The following FBXO11 variants were observed in gnomAD, a reference collection of about 807,000 sequenced individuals.
FBXO11 encodes the protein F-box protein 11.
Under a neutral mutation model 117.0 loss-of-function variants are expected in FBXO11, and 13 were observed. That is an observed-to-expected ratio of 0.11 (90% CI 0.07 to 0.18). The LOEUF (loss-of-function observed/expected upper bound fraction) is 0.18, where lower values mean the gene tolerates loss of function less well. FBXO11 is among the 10% of genes least tolerant of loss of function. The pLI is 1.00. For synonymous variants in FBXO11, 490 were observed against 380.5 expected (o/e 1.29, Z -3.35); for missense variants, 767 against 1,164.4 (o/e 0.66, Z 4.97).
At chr2:47,878,452 G>T (rs577717842) in intron 1 of FBXO11, among the ~76,000 whole-genome samples, 2 of 151,914 alleles carry the variant, frequency 1.3e-5, no homozygotes, top group African/African-American at 4.8e-5. Flanking sequence ...CCACCTCTGG[G>T]TTCAAGCAAT....
Position 47,820,396 on chromosome 2 carries a change from T to G in FBXO11, c.1763A>C (p.Lys588Thr). ...TNSCPIVRHN[K>T]IHDGQHGGIY... ...CCCACCATGCTGGCCATCATGAATT[T>G]TGTTATGCCGAACAATTGGACAACT... The change falls in exon 14 of 23, where the codon AAA (lysine) becomes ACA (threonine). Residue 588 changes from lysine (K) to threonine (T), a missense_variant. Coordinates refer to ENST00000403359, the MANE Select transcript of FBXO11 (RefSeq NM_001190274.2). 6.2e-7 allele frequency: 1 copy of G among 1,613,930 alleles called. No individual in the cohort carries two copies. The highest frequency in any genetic ancestry group is 1.1e-5 in the South Asian group (1 of 91,082).
intron 1 of FBXO11, among the ~76,000 whole-genome samples, chr2:47,860,940 G>C (rs1172870436): frequency 2.0e-5 from 3 of 149,494 alleles, no homozygotes; most frequent in African/African-American, 7.4e-5. Context: ...TCCACCTCCC[G>C]GGTTCAAGTG....
chr2:47,882,028 G>A (rs900347225), intron 1 of FBXO11, among the ~76,000 whole-genome samples: 2 of 152,164 alleles, frequency 1.3e-5, no homozygotes, highest in Non-Finnish European at 2.9e-5. Context: ...GATTACAGAT[G>A]TGAGTCACCA....
At chr2:47,836,145 A>AT (rs913013350) in intron 4 of FBXO11, 144 bp from the exon 5 acceptor site, 2,144 of 509,326 alleles carry the variant, frequency 4.2e-3, no homozygotes, top group Middle Eastern at 8.1e-3. Context: ...AAATCACAGG[A>AT]TTTTTTTTTT....
chr2:47,875,105 CTAATA>C (rs1479464600), intron 1 of FBXO11, among the ~76,000 whole-genome samples: 1 of 152,044 alleles, frequency 6.6e-6, no homozygotes, highest in Admixed American at 6.6e-5. Flanking sequence ...ACAGCAATAT[CTAATA>C]TAACTTTCCA....
At chr2:47,870,725 G>A (rs1675561927) in intron 1 of FBXO11, among the ~76,000 whole-genome samples, 2 of 152,170 alleles carry the variant, frequency 1.3e-5, no homozygotes, top group Admixed American at 1.3e-4. Context: ...CCCAGTGTGT[G>A]GCAGTTTGAT....
At position 47,879,686 on chromosome 2, in the gene FBXO11, T is replaced by C. The variant is rs529695638; in HGVS notation, c.232+25803A>G. Among the ~76,000 whole-genome samples, 17 of 152,350 alleles carry C rather than the reference T, an allele frequency of 1.1e-4. No homozygotes were observed. In the South Asian group the frequency reaches 3.3e-3, roughly 30 times the overall value. On this transcript the variant is annotated intron_variant, in intron 1 of 22. Coordinates refer to ENST00000403359, the MANE Select transcript of FBXO11 (RefSeq NM_001190274.2). ...GATTAAAATTACCAATAAGTTTTGC[T>C]AATTCCTAACTGTAAATAAGTTTTG...
intron 1 of FBXO11, among the ~76,000 whole-genome samples, chr2:47,874,539 A>C (rs1043530665): frequency 2.6e-5 from 4 of 152,162 alleles, no homozygotes; most frequent in African/African-American, 9.7e-5. Flanking sequence ...AAATTTAAAA[A>C]AAAAAACAAT....
intron 1 of FBXO11, among the ~76,000 whole-genome samples, chr2:47,858,667 G>A (rs1323164574): frequency 7.5e-6 from 1 of 132,800 alleles, no homozygotes; most frequent in Non-Finnish European, 1.6e-5. Flanking sequence ...GGGCAACAGA[G>A]TGAGACTCTG....
chr2:47,854,945 G>A (rs1046829076), intron 1 of FBXO11, among the ~76,000 whole-genome samples: 2 of 150,566 alleles, frequency 1.3e-5, no homozygotes, highest in African/African-American at 4.9e-5. Flanking sequence ...TGGCAGCAAC[G>A]TGCATATAAG....
intron 1 of FBXO11, among the ~76,000 whole-genome samples, chr2:47,886,327 A>C (rs567485868): frequency 6.6e-6 from 1 of 152,102 alleles, no homozygotes; most frequent in Admixed American, 6.5e-5. Context: ...CAACATGGTG[A>C]AACTCCCGTC....
rs1365019506 is a variant in FBXO11, at chr2:47,809,265, A to C, written c.2448T>G (p.Asp816Glu). The C allele has an allele frequency of 6.5e-7, 1 of 1,540,660 alleles. No homozygotes were observed. The change falls in exon 21 of 23, where the codon GAT (aspartate) becomes GAG (glutamate). Residue 816 changes from aspartate to glutamate, a missense_variant and splice_region_variant. By Grantham distance (45) the Asp-to-Glu change is conservative. This residue lies in a region of FBXO11 where 66 missense variants were observed against 82.7 expected (regional missense o/e 0.80). Transcript: ENST00000403359. ...CATCTTGATTGTTCATTATTTTGTT[A>C]TCTGTAATAAAAGAAAGAATAAGTA... ...LASGVNVTMK[D>E]NKIMNNQDAI...
At chr2:47,844,764 A>C (rs1304736139) in intron 1 of FBXO11, among the ~76,000 whole-genome samples, 1 of 151,742 alleles carries the variant, frequency 6.6e-6, no homozygotes, top group East Asian at 1.9e-4. Context: ...CAATTCTCCC[A>C]CCTCAGTTTA....
At chr2:47,863,813 T>C (rs1462663310) in intron 1 of FBXO11, among the ~76,000 whole-genome samples, 1 of 152,108 alleles carries the variant, frequency 6.6e-6, no homozygotes, top group South Asian at 2.1e-4. Context: ...TGGTGGCACA[T>C]GCCTGTAATC....
chr2:47,905,613 GGGCGGCTGC>G lies in FBXO11; in HGVS notation c.99_107del (p.Pro35_Gln37del). On this transcript the variant is annotated inframe_deletion, in exon 1 of 23. Transcript: ENST00000403359. ...GCTGCTGCTGGGGCGGCTGCTGCTG[GGGCGGCTGC>G]GGCGGCGGCTGCTGCGGGGGCTGCT... is the stretch of plus-strand genomic sequence containing the variant. 1.5e-6 allele frequency: 2 copies of G among 1,360,118 alleles called. No individual in the cohort carries two copies. The highest frequency in any genetic ancestry group is 6.1e-5 in the Admixed American group (2 of 32,992). 84.3% of individuals were successfully genotyped at this position (1,360,118 alleles called of 1,614,324 possible). A position where few individuals can be genotyped will look rare whatever the true frequency, so the allele number is the denominator to read the frequency against.
chr2:47,881,513 T>C (rs1676430185), intron 1 of FBXO11, among the ~76,000 whole-genome samples: 2 of 152,198 alleles, frequency 1.3e-5, no homozygotes, highest in Admixed American at 1.3e-4. Flanking sequence ...ATTTAATCAA[T>C]AGTATTGAAA....
intron 1 of FBXO11, among the ~76,000 whole-genome samples, chr2:47,887,306 A>AG (rs1167043127): frequency 5.7e-5 from 7 of 122,498 alleles, no homozygotes; most frequent in African/African-American, 6.1e-5. Flanking sequence ...GGTGGGGGGG[A>AG]GGGGGGAGAC....
intron 1 of FBXO11, among the ~76,000 whole-genome samples, chr2:47,898,220 A>G (rs1479462949): frequency 6.6e-6 from 1 of 152,274 alleles, no homozygotes; most frequent in Non-Finnish European, 1.5e-5. Context: ...AAGGAAAATA[A>G]ACATTTTTGA....
chr2:47,821,306 G>A (rs1370521816), intron 13 of FBXO11, among the ~76,000 whole-genome samples: 1 of 151,692 alleles, frequency 6.6e-6, no homozygotes, highest in Admixed American at 6.6e-5. Flanking sequence ...GGCAAAACCT[G>A]TCTCTATTAA....
Sources: gnomAD v4.1 joint callset for allele counts (sites outside exome capture counted in the v4.1 genomes callset) on GRCh38, gnomAD v4.1.1 for gene constraint, gnomAD v4.1.1 regional missense constraint, MANE v1.5 for transcripts, NCBI Gene and HGNC (gene_info 2026-07-23, HGNC 2026-07-21) for gene names.